Variants in GRAMD4 observed in about 807,000 individuals in gnomAD.
GRAMD4 encodes GRAM domain containing 4.
A neutral mutation model predicts 83.9 loss-of-function variants in GRAMD4; 25 were observed. The ratio of observed to expected loss-of-function variants is 0.30; its 90% CI spans 0.22 to 0.42. The LOEUF (loss-of-function observed/expected upper bound fraction) is 0.42. Among genes scored for constraint, GRAMD4 ranks in the 10% least tolerant of loss-of-function variants. The probability of loss-of-function intolerance (pLI) is 1.00; values close to 1 mark genes in which losing one functional copy is unlikely to be tolerated. For synonymous variants in GRAMD4, 336 were observed against 320.9 expected (o/e 1.05, Z -0.50); for missense variants, 593 against 788.7 (o/e 0.75, Z 2.97).
Position 46,621,949 on chromosome 22 carries a change from G to T in GRAMD4, c.-50+1384G>T, listed in dbSNP as rs997483816. Among the ~76,000 whole-genome samples, 2 of 152,326 alleles carry T rather than the reference G, an allele frequency of 1.3e-5. No individual in the cohort carries two copies. The highest frequency in any genetic ancestry group is 1.3e-4 in the Admixed American group (2 of 15,312). On this transcript the variant is annotated intron_variant, in intron 1 of 18. Coordinates refer to ENST00000406902, the MANE Select transcript of GRAMD4 (RefSeq NM_015124.5). This position sits in a 1 kb window ranked among gnomAD's most constrained non-coding sequence, Gnocchi z 5.8. ...GTGGAGTCAGTGGGGCTGAGAGCAGGGTCGTCTAGGACCCTGATGTGTGGA... is the reference window on the plus strand; with the variant it reads ...GTGGAGTCAGTGGGGCTGAGAGCAGTGTCGTCTAGGACCCTGATGTGTGGA...
At chr22:46,628,422 C>T (rs930870690) in intron 2 of GRAMD4, among the ~76,000 whole-genome samples, 6 of 148,726 alleles carry the variant, frequency 4.0e-5, no homozygotes, top group Non-Finnish European at 7.4e-5. Context: ...TGAGTGTGTG[C>T]GTGGTGTCTG....
intron 1 of GRAMD4, among the ~76,000 whole-genome samples, chr22:46,601,630 T>C (rs371295792): frequency 5.9e-5 from 9 of 151,946 alleles, no homozygotes; most frequent in African/African-American, 2.2e-4. Flanking sequence ...ACCCCATCTC[T>C]ACTAAAAATA....
chr22:46,644,697 G>GTTTTGTTT, intron 3 of GRAMD4, among the ~76,000 whole-genome samples: 1 of 97,338 alleles, frequency 1.0e-5, no homozygotes, highest in Non-Finnish European at 2.0e-5. Context: ...CTTGTTCCCT[G>GTTTTGTTT]TTTTTTTTTT....
At chr22:46,617,031 G>C (rs112167603), upstream of GRAMD4, among the ~76,000 whole-genome samples, 1 of 126,800 alleles carries the variant, frequency 7.9e-6, no homozygotes, top group Non-Finnish European at 1.7e-5. Context: ...CCCGTGTGTA[G>C]GTTCCCCTGT....
At chr22:46,624,176 C>T (rs1034939148) in intron 1 of GRAMD4, among the ~76,000 whole-genome samples, 4 of 149,646 alleles carry the variant, frequency 2.7e-5, no homozygotes, top group Non-Finnish European at 4.4e-5. Context: ...ACATTTTTTA[C>T]TTTCTTTTTA....
chr22:46,606,622 C>T (rs1412150374), intron 1 of GRAMD4, among the ~76,000 whole-genome samples: 1 of 149,726 alleles, frequency 6.7e-6, no homozygotes, highest in Admixed American at 6.7e-5. Flanking sequence ...AGCATGTCTG[C>T]ATGGGCTTAT....
intron 2 of GRAMD4, among the ~76,000 whole-genome samples, chr22:46,636,074 G>A (rs1307906316): frequency 2.6e-5 from 4 of 152,192 alleles, no homozygotes; most frequent in African/African-American, 9.6e-5. Context: ...TGGGGCCCCA[G>A]CTGGGGTCCT....
rs1316178463 is a variant in GRAMD4 at position 46,679,696 on chromosome 22, AT to A, written c.*2452del. On this transcript the variant is annotated 3_prime_UTR_variant, in exon 19 of 19. Coordinates refer to ENST00000406902, the MANE Select transcript of GRAMD4 (RefSeq NM_015124.5). ...CCGATGAAAAAAATTCTCCTGTAAC[AT>A]TTTTTTAAGAAAACTTTGTTTGTTT... 5.1e-6 allele frequency: 5 copies of A among 977,976 alleles called. No homozygotes were observed. The highest frequency in any genetic ancestry group is 9.4e-5 in the South Asian group (2 of 21,176). 60.6% of individuals were successfully genotyped at this position (977,976 alleles called of 1,614,324 possible).
At chr22:46,624,613 A>G (rs1051225397) in intron 1 of GRAMD4, among the ~76,000 whole-genome samples, 3 of 152,132 alleles carry the variant, frequency 2.0e-5, no homozygotes, top group African/African-American at 4.8e-5. Flanking sequence ...GGCGTGAACC[A>G]CTGCTCCCAG....
chr22:46,669,624 G>A (rs894852274), intron 13 of GRAMD4, among the ~76,000 whole-genome samples: 4 of 150,066 alleles, frequency 2.7e-5, no homozygotes, highest in South Asian at 4.2e-4. Context: ...CGCCCAGGCT[G>A]GAGTGCAGTG....
intron 3 of GRAMD4, among the ~76,000 whole-genome samples, chr22:46,657,225 A>T (rs10427774): frequency 0.016 from 2,366 of 152,312 alleles, 67 homozygotes; most frequent in African/African-American, 0.054. Flanking sequence ...AGAAGGACCG[A>T]GGACCTGTGG....
chr22:46,648,787 GATGGATGGATGGATGC>G (rs2082114859), intron 3 of GRAMD4, among the ~76,000 whole-genome samples: 20 of 121,420 alleles, frequency 1.6e-4, no homozygotes, highest in East Asian at 5.2e-4. Flanking sequence ...TGGATGGATG[GATGGATGGATGGATGC>G]ATGGATGGAT....
rs962367813 is a variant in GRAMD4, at chr22:46,622,641, C to T, written c.-50+2076C>T. Among the ~76,000 whole-genome samples the T allele has an allele frequency of 7.2e-5, 11 of 152,148 alleles. No individual in the cohort carries two copies. The highest frequency in any genetic ancestry group is 7.3e-5 in the Non-Finnish European group (5 of 68,036). ...AAAACTGGTGAAGTTGGGCTGAGCA[C>T]GGCGGCTCACGCCTGTAATCCCAGC... On this transcript the variant is annotated intron_variant, in intron 1 of 18. Coordinates refer to ENST00000406902, the MANE Select transcript of GRAMD4 (RefSeq NM_015124.5). This position sits in a 1 kb window ranked among gnomAD's most constrained non-coding sequence, Gnocchi z 4.0.
intron 3 of GRAMD4, among the ~76,000 whole-genome samples, chr22:46,646,593 G>T (rs1042329707): frequency 8.5e-5 from 13 of 152,230 alleles, no homozygotes; most frequent in Non-Finnish European, 1.5e-4. Context: ...GCTGGCGGGG[G>T]TGTCCTTTTG....
chr22:46,680,738 C>T (rs2082663200), downstream of GRAMD4, among the ~76,000 whole-genome samples: 1 of 135,046 alleles, frequency 7.4e-6, no homozygotes, highest in Non-Finnish European at 1.6e-5. Context: ...ATCCATCCAC[C>T]CACCCATCCA....
chr22:46,607,063 C>T (rs192131544), intron 1 of GRAMD4, among the ~76,000 whole-genome samples: 3 of 152,332 alleles, frequency 2.0e-5, no homozygotes, highest in Non-Finnish European at 2.9e-5. Context: ...GCCGACCCCA[C>T]CTCACTCCGA....
chr22:46,594,599 T>C (rs972235505), intron 1 of GRAMD4, among the ~76,000 whole-genome samples: 3 of 143,384 alleles, frequency 2.1e-5, no homozygotes, highest in African/African-American at 7.9e-5. Context: ...GGGGGTTAGG[T>C]GTTTTAGGAG....
At chr22:46,668,761 C>T (rs758895399) in intron 12 of GRAMD4, 29 bp downstream of exon 12, 26 of 1,120,006 alleles carry the variant, frequency 2.3e-5, no homozygotes, top group Admixed American at 1.1e-4. Flanking sequence ...CCCGGCCCTG[C>T]GGCGCCCGCC....
chr22:46,596,828 G>A (rs932715655), intron 1 of GRAMD4, among the ~76,000 whole-genome samples: 11 of 152,220 alleles, frequency 7.2e-5, no homozygotes, highest in African/African-American at 2.7e-4. Flanking sequence ...TGCAATTACA[G>A]GTGTGAGCCA....
Sources: gnomAD v4.1 joint callset for allele counts (sites outside exome capture counted in the v4.1 genomes callset) on GRCh38, gnomAD v4.1.1 for gene constraint, Gnocchi (gnomAD v3.1) non-coding constraint, MANE v1.5 for transcripts, NCBI Gene and HGNC (gene_info 2026-07-23, HGNC 2026-07-21) for gene names.